Variants in TRPT1 observed in about 807,000 individuals in gnomAD.
The protein encoded by TRPT1 is tRNA 2'-phosphotransferase 1.
In TRPT1, 22 loss-of-function variants were observed where a neutral mutation model predicts 28.4. The observed-to-expected ratio is 0.78, with a 90% CI of 0.55 to 1.11. The LOEUF (loss-of-function observed/expected upper bound fraction) is 1.11. Ranked by LOEUF, TRPT1 falls within the 50% of genes least tolerant of loss-of-function variation. The probability of loss-of-function intolerance (pLI) is 0.00; values close to 1 mark genes in which losing one functional copy is unlikely to be tolerated. For missense variants in TRPT1, 308 were observed against 317.7 expected (o/e 0.97, Z 0.23); for synonymous variants, 137 against 132.4 (o/e 1.03, Z -0.24).
In TRPT1 at chr11:64,224,788, C is replaced by T. The variant is rs1946872841; in HGVS notation, c.327+13G>A. ...CCTCCCATCTCGTCTCGCACTTGTC[C>T]CCTCACCCCGACCTGCAGGGAATGG... On this transcript the variant is annotated intron_variant, in intron 4 of 7. Transcript: ENST00000317459. 8 of 1,613,150 alleles carry T rather than the reference C, an allele frequency of 5.0e-6. No homozygotes were observed. The highest frequency in any genetic ancestry group is 1.7e-5 in the Admixed American group (1 of 59,966).
At chr11:64,225,907 C>T in intron 1 of TRPT1, 38 bp from the exon 2 acceptor site, 1 of 1,213,918 alleles carries the variant, frequency 8.2e-7, no homozygotes, top group Non-Finnish European at 1.2e-6. Flanking sequence ...TGCTTTAAGG[C>T]CCCTTCCACG....
Position 64,223,984 on chromosome 11 carries a change from T to A in TRPT1, c.671-17A>T, listed in dbSNP as rs745454308. ...GGGGCTTTCCTGATAAAGACAAGAG[T>A]TGGTTAGAGAAAGGGACACCTAAGT... On this transcript the variant is annotated splice_polypyrimidine_tract_variant and intron_variant, in intron 7 of 7. Coordinates refer to ENST00000317459, the MANE Select transcript of TRPT1 (RefSeq NM_001033678.4). 1 of 1,608,818 alleles carries A rather than the reference T, an allele frequency of 6.2e-7. No individual in the cohort carries two copies. The highest frequency in any genetic ancestry group is 8.5e-7 in the Non-Finnish European group (1 of 1,177,006).
At chr11:64,224,498 G>A (rs747049298) in intron 5 of TRPT1, 45 bp downstream of exon 5, 8 of 1,569,046 alleles carry the variant, frequency 5.1e-6, no homozygotes, top group Non-Finnish European at 6.9e-6. Flanking sequence ...GGACCTGGGA[G>A]GACAGAGTGG....
In TRPT1 at chr11:64,224,682, C is replaced by T. The variant is rs750311841; in HGVS notation, c.363G>A (p.Pro121=). ...PKLELMPLET[P]QALPPMLVHG... Reference sequence around the variant, plus strand: ...GGACTAGCATCGGGGGCAGGGCCTGCGGTGTCTCCAGGGGCATCAGCTCCA... The same window carrying T: ...GGACTAGCATCGGGGGCAGGGCCTGTGGTGTCTCCAGGGGCATCAGCTCCA... The change falls in exon 5 of 8, where the codon CCG becomes CCA. Residue 121 remains proline, a synonymous_variant. Transcript: ENST00000317459. 130 of 1,601,334 alleles carry T rather than the reference C, an allele frequency of 8.1e-5. No homozygotes were observed. Among genetic ancestry groups the T allele is most frequent in the South Asian group, 2.9e-4 (26 of 88,834 alleles).
chr11:64,224,052 G>C (rs1946805425), intron 7 of TRPT1, 48 bp downstream of exon 7: 1 of 1,591,268 alleles, frequency 6.3e-7, no homozygotes, highest in Admixed American at 1.7e-5. Flanking sequence ...GGGCAGAAGG[G>C]CACAGCTTTC....
In TRPT1 at chr11:64,223,946, C is replaced by A; in HGVS notation, c.692G>T (p.Gly231Val). The change falls in exon 8 of 8, where the codon GGT becomes GTT. Residue 231 changes from glycine (G) to valine (V), a missense_variant. Coordinates refer to ENST00000317459, the MANE Select transcript of TRPT1 (RefSeq NM_001033678.4). ...ACTCTGACACTCTGTCTCTTCATCA[C>A]CAGCCAAGGAAAGGGGCTTTCCTGA... ...RPTRKPLSLA[G>V]DEETECQSSP... 6.2e-7 allele frequency: 1 copy of A among 1,613,964 alleles called. No individual in the cohort carries two copies. Among genetic ancestry groups the A allele is most frequent in the Non-Finnish European group, 8.5e-7 (1 of 1,179,896 alleles).
At position 64,225,754 on chromosome 11, in the gene TRPT1, C is replaced by A. The variant is rs758728852; in HGVS notation, c.75+32G>T. The A allele has an allele frequency of 3.3e-6, 5 of 1,512,404 alleles. No individual in the cohort carries two copies. In the African/African-American group the frequency reaches 5.5e-5, roughly 17 times the overall value. 93.7% of individuals were successfully genotyped at this position (1,512,404 alleles called of 1,614,324 possible). On this transcript the variant is annotated intron_variant, in intron 2 of 7. Coordinates refer to ENST00000317459, the MANE Select transcript of TRPT1 (RefSeq NM_001033678.4). ...CCCAGCAACTCCCAGGGAGCCTGGA[C>A]TGGTGGGAGGGGGTGGGGAGGAGGC... is the stretch of plus-strand genomic sequence containing the variant.
intron 6 of TRPT1, 22 bp downstream of exon 6, chr11:64,224,263 C>T (rs1946822680): frequency 1.2e-6 from 2 of 1,613,788 alleles, no homozygotes; most frequent in Admixed American, 1.7e-5. Context: ...GCAAGGGCAG[C>T]TCCTGCTTTG....
chr11:64,223,942 A>C lies in TRPT1; in HGVS notation c.696T>G (p.Asp232Glu), dbSNP rs1012561445. The C allele has an allele frequency of 2.3e-5, 37 of 1,613,806 alleles. No individual in the cohort carries two copies. The highest frequency in any genetic ancestry group is 3.0e-5 in the Non-Finnish European group (35 of 1,179,918). Reference sequence around the variant, plus strand: ...GGCTACTCTGACACTCTGTCTCTTCATCACCAGCCAAGGAAAGGGGCTTTC... The same window carrying C: ...GGCTACTCTGACACTCTGTCTCTTCCTCACCAGCCAAGGAAAGGGGCTTTC... ...PTRKPLSLAGDEETECQSSPK... is the reference protein window; with the variant it reads ...PTRKPLSLAGEEETECQSSPK... Residue 232 changes from aspartate to glutamate, a missense_variant, in exon 8 of 8, where the codon GAT (aspartate) becomes GAG (glutamate). Coordinates refer to ENST00000317459, the MANE Select transcript of TRPT1 (RefSeq NM_001033678.4).
Position 64,224,906 on chromosome 11 carries a change from A to T in TRPT1, c.222T>A (p.Asp74Glu), listed in dbSNP as rs746318747. 12 of 1,601,906 alleles carry T rather than the reference A, an allele frequency of 7.5e-6. No homozygotes were observed. The highest frequency in any genetic ancestry group is 1.0e-5 in the Non-Finnish European group (12 of 1,174,870). ...LPQFRGFSAE[D>E]VQRVVDTNRK... ...TATTGGTGTCCACCACGCGCTGCACATCTTCAGCAGAGAAGCCGCGGAACT... is the reference window on the plus strand; with the variant it reads ...TATTGGTGTCCACCACGCGCTGCACTTCTTCAGCAGAGAAGCCGCGGAACT... Residue 74 changes from aspartate (D) to glutamate (E), a missense_variant, in exon 4 of 8, where the codon GAT becomes GAA. Asp to Glu is a conservative substitution (Grantham distance 45). Transcript: ENST00000317459.
In TRPT1 at chr11:64,224,983, A is replaced by G; in HGVS notation, c.158-13T>C. ...GGCACGAAGCCATCTGTGGGCAGGC[A>G]GGGTGCTCAGGAGCTAACCTTGCTC... is the stretch of plus-strand genomic sequence containing the variant. On this transcript the variant is annotated splice_polypyrimidine_tract_variant and intron_variant, in intron 3 of 7. Coordinates refer to ENST00000317459, the MANE Select transcript of TRPT1 (RefSeq NM_001033678.4). 6.5e-7 allele frequency: 1 copy of G among 1,549,994 alleles called. No homozygotes were observed. The highest frequency in any genetic ancestry group is 1.7e-4 in the Middle Eastern group (1 of 5,872).
rs1177665975 is a variant in TRPT1 at position 64,225,793 on chromosome 11, C to T, written c.68G>A (p.Arg23Gln). ...GSRGRRAPRP[R>Q]EQDRDVQLSK... is the part of the protein sequence containing the mutation. The stretch of plus-strand genomic sequence containing the variant: ...TGGGGAGGAGGCGCGCACCTGTTCT[C>T]GGGGTCTGGGAGCCCTTCTACCCCT... Residue 23 changes from arginine (R) to glutamine (Q), a missense_variant, in exon 2 of 8, where the codon CGA (arginine) becomes CAA (glutamine). Physicochemically the swap from Arg to Gln is conservative, Grantham distance 43 (BLOSUM62 1). Transcript: ENST00000317459. The T allele has an allele frequency of 1.9e-6, 3 of 1,551,704 alleles. No homozygotes were observed. Among genetic ancestry groups the T allele is most frequent in the Non-Finnish European group, 2.6e-6 (3 of 1,147,444 alleles).
chr11:64,226,004 T>A (rs79792651), intron 1 of TRPT1, 46 bp downstream of exon 1: 2 of 615,496 alleles, frequency 3.2e-6, no homozygotes, highest in Non-Finnish European at 5.8e-6. Context: ...CACCCCCAAG[T>A]CCCTGCTGCA....
chr11:64,225,462 C>T lies in TRPT1; in HGVS notation c.157+37G>A, dbSNP rs181317492. 10 of 1,575,910 alleles carry T rather than the reference C, an allele frequency of 6.3e-6. 1 individual carries two copies. The highest frequency in any genetic ancestry group is 1.7e-4 in the Middle Eastern group (1 of 5,944). On this transcript the variant is annotated intron_variant, in intron 3 of 7. Coordinates refer to ENST00000317459, the MANE Select transcript of TRPT1 (RefSeq NM_001033678.4). The stretch of plus-strand genomic sequence containing the variant: ...GTCGCAGACAGGCTCACGTTTCTCT[C>T]TGGGCTCAAGCCCCAGCCTCCAAGG...
At chr11:64,225,467 C>T in intron 3 of TRPT1, 32 bp downstream of exon 3, 1 of 1,587,754 alleles carries the variant, frequency 6.3e-7, no homozygotes, top group South Asian at 1.1e-5. Flanking sequence ...TCTCTCTGGG[C>T]TCAAGCCCCA....
At position 64,224,979 on chromosome 11, in the gene TRPT1, A is replaced by G; in HGVS notation, c.158-9T>C. 6.4e-7 allele frequency: 1 copy of G among 1,551,910 alleles called. No homozygotes were observed. Among genetic ancestry groups the G allele is most frequent in the South Asian group, 1.2e-5 (1 of 84,534 alleles). On this transcript the variant is annotated splice_polypyrimidine_tract_variant and intron_variant, in intron 3 of 7. Transcript: ENST00000317459. The stretch of plus-strand genomic sequence containing the variant: ...CAGGGGCACGAAGCCATCTGTGGGC[A>G]GGCAGGGTGCTCAGGAGCTAACCTT...
intron 1 of TRPT1, 28 bp from the exon 2 acceptor site, chr11:64,225,897 T>C: frequency 2.2e-6 from 3 of 1,342,800 alleles, no homozygotes; most frequent in Non-Finnish European, 3.1e-6. Flanking sequence ...GAGGGGGGAC[T>C]GCTTTAAGGC....
At chr11:64,224,434 C>G in intron 5 of TRPT1, 93 bp from the exon 6 acceptor site, 1 of 1,596,766 alleles carries the variant, frequency 6.3e-7, no homozygotes, top group Non-Finnish European at 8.6e-7. Flanking sequence ...TGCAGGGGTG[C>G]TGCTCCATGC....
In TRPT1 at chr11:64,224,786, T is replaced by A. The variant is rs1162086324; in HGVS notation, c.327+15A>T. ...TCCCTCCCATCTCGTCTCGCACTTG[T>A]CCCCTCACCCCGACCTGCAGGGAAT... On this transcript the variant is annotated intron_variant, in intron 4 of 7. Coordinates refer to ENST00000317459, the MANE Select transcript of TRPT1 (RefSeq NM_001033678.4). The A allele has an allele frequency of 6.2e-7, 1 of 1,612,970 alleles. No homozygotes were observed. The highest frequency in any genetic ancestry group is 8.5e-7 in the Non-Finnish European group (1 of 1,179,366).
Sources: allele counts gnomAD v4.1 joint callset, GRCh38; gene constraint gnomAD v4.1.1; transcripts MANE v1.5; gene names NCBI Gene and HGNC (gene_info 2026-07-23, HGNC 2026-07-21).